Variants in CSMD1 observed in about 807,000 individuals in gnomAD.
CSMD1 encodes the protein CUB and sushi domain-containing protein 1.
Under a neutral mutation model 417.5 loss-of-function variants are expected in CSMD1, and 213 were observed. That is an observed-to-expected ratio of 0.51 (90% CI 0.46 to 0.57). CSMD1 has a LOEUF of 0.57. Among genes scored for constraint, CSMD1 ranks in the 20% least tolerant of loss-of-function variants. The probability of loss-of-function intolerance (pLI) is 0.00; values close to 1 mark genes in which losing one functional copy is unlikely to be tolerated. For synonymous variants in CSMD1, 2,862 were observed against 1,736.8 expected, an observed-to-expected ratio of 1.65 and a Z score of -16.11; for missense variants, 6,923 against 4,529.7, an observed-to-expected ratio of 1.53 and a Z score of -15.17.
In CSMD1 at chr8:2,935,639, T is replaced by C. The variant is rs1173141984; in HGVS notation, c.*2946A>G. 6.6e-6 allele frequency: 1 copy of C among 152,176 alleles called. No individual in the cohort carries two copies. The highest frequency in any genetic ancestry group is 1.9e-4 in the East Asian group (1 of 5,190). The allele number at this position is 152,176 out of a possible 1,614,324, so 9.4% of individuals were successfully genotyped here. On this transcript the variant is annotated 3_prime_UTR_variant, in exon 70 of 70. Coordinates refer to ENST00000635120, the MANE Select transcript of CSMD1 (RefSeq NM_033225.6). ...AATCAAAAAATTACAGCATATTTAA[T>C]AATTTTACAAATTCTTCATAAAAAA... is the stretch of plus-strand genomic sequence containing the variant.
At chr8:4,456,327 T>G (rs1435014103) in intron 2 of CSMD1, among the ~76,000 whole-genome samples, 2 of 152,080 alleles carry the variant, frequency 1.3e-5, no homozygotes, top group Non-Finnish European at 2.9e-5. Context: ...AATAAAAAAA[T>G]TAGTCATAGA....
intron 2 of CSMD1, among the ~76,000 whole-genome samples, chr8:4,506,702 T>G (rs1290156049): frequency 6.6e-6 from 1 of 152,118 alleles, no homozygotes. Flanking sequence ...GAATAAGGAG[T>G]CAGCTTCTCT....
chr8:3,887,425 C>A (rs1015194254), intron 5 of CSMD1, among the ~76,000 whole-genome samples: 11 of 152,144 alleles, frequency 7.2e-5, no homozygotes, highest in African/African-American at 2.7e-4. Context: ...AATGTATGGA[C>A]AAATTATAGA....
chr8:3,924,436 C>T (rs1317417834), intron 5 of CSMD1, among the ~76,000 whole-genome samples: 1 of 152,108 alleles, frequency 6.6e-6, no homozygotes, highest in Non-Finnish European at 1.5e-5. Flanking sequence ...AAGCTTTTGT[C>T]ATTATTCCTC....
At chr8:4,012,834 C>A (rs538879544) in intron 4 of CSMD1, among the ~76,000 whole-genome samples, 1 of 152,102 alleles carries the variant, frequency 6.6e-6, no homozygotes, top group Non-Finnish European at 1.5e-5. Context: ...CAGTGTTGCA[C>A]GAGAAGACAC....
intron 1 of CSMD1, among the ~76,000 whole-genome samples, chr8:4,840,140 T>C (rs1290119611): frequency 1.6e-4 from 1 of 6,364 alleles, no homozygotes; most frequent in East Asian, 0.083. Context: ...AGCTGTGGAC[T>C]CTTTAAGGCT....
At chr8:4,453,692 T>C (rs1799290641) in intron 2 of CSMD1, among the ~76,000 whole-genome samples, 1 of 152,034 alleles carries the variant, frequency 6.6e-6, no homozygotes, top group Non-Finnish European at 1.5e-5. Flanking sequence ...AGACCATGCC[T>C]GCTTGGGTAT....
chr8:3,497,643 C>T (rs896132980), intron 10 of CSMD1, among the ~76,000 whole-genome samples: 1 of 152,212 alleles, frequency 6.6e-6, no homozygotes, highest in Non-Finnish European at 1.5e-5. Context: ...TTTCTGTTTG[C>T]ATGGACTATC....
chr8:4,562,744 G>A (rs949654418), intron 2 of CSMD1, among the ~76,000 whole-genome samples: 1 of 152,070 alleles, frequency 6.6e-6, no homozygotes, highest in African/African-American at 2.4e-5. Flanking sequence ...ACAGATGCAT[G>A]CTGGTGGCTG....
intron 26 of CSMD1, among the ~76,000 whole-genome samples, chr8:3,235,655 C>G (rs1585740486): frequency 6.6e-6 from 1 of 152,138 alleles, no homozygotes; most frequent in Non-Finnish European, 1.5e-5. Context: ...TAAGATCCTT[C>G]CAAATAGAAG....
chr8:3,622,971 C>G (rs899938427), intron 7 of CSMD1, among the ~76,000 whole-genome samples: 5 of 152,134 alleles, frequency 3.3e-5, no homozygotes, highest in South Asian at 2.1e-4. Flanking sequence ...TATATCTTTT[C>G]AGATCTCATA....
chr8:4,848,735 G>C (rs1801293046), intron 1 of CSMD1, among the ~76,000 whole-genome samples: 1 of 152,044 alleles, frequency 6.6e-6, no homozygotes, highest in African/African-American at 2.4e-5. Flanking sequence ...GTAGGGACTG[G>C]GTTTCACCAT....
At chr8:3,161,414 C>T (rs549327630) in intron 38 of CSMD1, among the ~76,000 whole-genome samples, 5 of 152,066 alleles carry the variant, frequency 3.3e-5, no homozygotes, top group Non-Finnish European at 7.4e-5. Context: ...GTCAGGAGTT[C>T]GAGACCAGCT....
intron 49 of CSMD1, among the ~76,000 whole-genome samples, chr8:3,081,598 A>G (rs142520439): frequency 1.2e-3 from 178 of 152,312 alleles, no homozygotes; most frequent in African/African-American, 4.1e-3. Context: ...AATTATCTCA[A>G]TGACCTTCTC....
chr8:4,039,957 TAA>T (rs1163845614), intron 3 of CSMD1, among the ~76,000 whole-genome samples: 1 of 152,206 alleles, frequency 6.6e-6, no homozygotes, highest in African/African-American at 2.4e-5. Flanking sequence ...TAGAGAATTG[TAA>T]AAAGATATCA....
At chr8:4,039,980 C>T (rs1797803817) in intron 3 of CSMD1, among the ~76,000 whole-genome samples, 1 of 152,150 alleles carries the variant, frequency 6.6e-6, no homozygotes, top group Non-Finnish European at 1.5e-5. Context: ...CAAATCAGGG[C>T]ACTCGGTACA....
chr8:3,689,084 C>T (rs1457513365), intron 7 of CSMD1, among the ~76,000 whole-genome samples: 7 of 152,170 alleles, frequency 4.6e-5, no homozygotes, highest in Admixed American at 3.3e-4. Flanking sequence ...TTATTCCCAA[C>T]TCATCATAAA....
At position 4,913,557 on chromosome 8, in the gene CSMD1, C is replaced by A. The variant is rs145421617; in HGVS notation, c.85+80775G>T. On this transcript the variant is annotated intron_variant, in intron 1 of 69. Transcript: ENST00000635120. ...CTCAAAGAGCTCTACAGGGGAACGC[C>A]ACCAACATATGCGTCCACAGCTCAT... Among the ~76,000 whole-genome samples the A allele has an allele frequency of 3.2e-3, 487 of 152,252 alleles. 6 individuals carry two copies. The highest frequency in any genetic ancestry group is 0.011 in the African/African-American group (456 of 41,536).
At chr8:4,955,701 C>G (rs986362198) in intron 1 of CSMD1, among the ~76,000 whole-genome samples, 4 of 146,080 alleles carry the variant, frequency 2.7e-5, no homozygotes, top group Non-Finnish European at 6.1e-5. Context: ...GGTGATCCAC[C>G]CACCTCGGCC....
Sources: gnomAD v4.1 joint callset for allele counts (sites outside exome capture counted in the v4.1 genomes callset) on GRCh38, gnomAD v4.1.1 for gene constraint, MANE v1.5 for transcripts, NCBI Gene and HGNC (gene_info 2026-07-23, HGNC 2026-07-21) for gene names.